THRAP3: variants seen among roughly 807,000 people sequenced by gnomAD.
The protein encoded by THRAP3 is thyroid hormone receptor associated protein 3.
A neutral mutation model predicts 101.0 loss-of-function variants in THRAP3; 16 were observed. The ratio of observed to expected loss-of-function variants is 0.16; its 90% confidence interval spans 0.11 to 0.24. The LOEUF is 0.24. Among genes scored for constraint, THRAP3 ranks in the 10% least tolerant of loss-of-function variants. The pLI is 1.00. For synonymous variants in THRAP3, 407 were observed against 422.6 expected (o/e 0.96, Z 0.45); for missense variants, 989 against 1,202.7 (o/e 0.82, Z 2.63).
intron 1 of THRAP3, among the ~76,000 whole-genome samples, chr1:36,236,169 G>A (rs1645085481): frequency 2.0e-5 from 3 of 150,652 alleles, no homozygotes; most frequent in African/African-American, 4.9e-5. Flanking sequence ...GCAGTGAGCC[G>A]AGATCGCGCC....
chr1:36,255,257 T>C (rs1351341881), intron 1 of THRAP3, among the ~76,000 whole-genome samples: 1 of 152,118 alleles, frequency 6.6e-6, no homozygotes, highest in Non-Finnish European at 1.5e-5. Flanking sequence ...TTACGCCTGG[T>C]GGTTTAAAGG....
intron 8 of THRAP3, among the ~76,000 whole-genome samples, chr1:36,295,921 C>T (rs1645943248): frequency 7.1e-6 from 1 of 141,472 alleles, no homozygotes; most frequent in Non-Finnish European, 1.5e-5. Flanking sequence ...GCCCAACCAC[C>T]TACTTTTCCA....
chr1:36,213,971 A>AAG, the THRAP3 span, among the ~76,000 whole-genome samples: 103 of 103,276 alleles, frequency 1.0e-3, 1 homozygote, highest in Non-Finnish European at 1.2e-3. Context: ...AGGAAAGAGA[A>AAG]AGAAAGAAAG....
chr1:36,238,008 T>C (rs780475580), intron 1 of THRAP3, among the ~76,000 whole-genome samples: 193 of 152,020 alleles, frequency 1.3e-3, no homozygotes, highest in Non-Finnish European at 2.3e-3. Context: ...TTTTTTTTTC[T>C]TTTTTTTAAT....
chr1:36,258,412 ATTG>A (rs955722120), intron 1 of THRAP3, among the ~76,000 whole-genome samples: 3 of 152,180 alleles, frequency 2.0e-5, no homozygotes, highest in African/African-American at 7.2e-5. Context: ...ACATACCGAC[ATTG>A]TTATTTGGTA....
In THRAP3 at chr1:36,304,317, G is replaced by A. The variant is rs889127934; in HGVS notation, c.*300G>A. The A allele has an allele frequency of 2.5e-5, 7 of 283,094 alleles. No homozygotes were observed. The highest frequency in any genetic ancestry group is 4.0e-5 in the Non-Finnish European group (6 of 151,336). The allele number at this position is 283,094 out of a possible 1,614,324, so 17.5% of individuals were successfully genotyped here. ...GGGGGCAGGGGTAGGGCGGGAGAGC[G>A]ATGCTTGGATTTTTGTTTCCTATTA... On this transcript the variant is annotated 3_prime_UTR_variant, in exon 12 of 12. Coordinates refer to ENST00000354618, the MANE Select transcript of THRAP3 (RefSeq NM_005119.4).
chr1:36,270,571 G>GGTTTTTTTTTTGTTTGTTTGTTTGT (rs1553121666), intron 2 of THRAP3, among the ~76,000 whole-genome samples: 10 of 31,896 alleles, frequency 3.1e-4, no homozygotes, highest in African/African-American at 7.0e-4. Flanking sequence ...ATTTGTTTAG[G>GGTTTTTTTTTTGTTTGTTTGTTTGT]TTTTTGTTTT....
chr1:36,232,609 G>T (rs1380846121), intron 1 of THRAP3, among the ~76,000 whole-genome samples: 2 of 152,264 alleles, frequency 1.3e-5, no homozygotes, highest in East Asian at 3.9e-4. Flanking sequence ...ATTGAGTTAC[G>T]TAGAAGAGGC....
chr1:36,240,998 AGATCGG>A (rs1645148139), intron 1 of THRAP3, among the ~76,000 whole-genome samples: 1 of 151,968 alleles, frequency 6.6e-6, no homozygotes, highest in Admixed American at 6.6e-5. Context: ...CGAGGTCAGG[AGATCGG>A]GACCATCCCG....
chr1:36,258,276 A>T (rs966861728), intron 1 of THRAP3, among the ~76,000 whole-genome samples: 1 of 152,252 alleles, frequency 6.6e-6, no homozygotes, highest in African/African-American at 2.4e-5. Context: ...GTGAGGAATC[A>T]GGGGAAGAAG....
At chr1:36,241,383 GTGTATATATATATATATATATATA>G (rs1490594473) in intron 1 of THRAP3, among the ~76,000 whole-genome samples, 1,557 of 132,082 alleles carry the variant, frequency 0.012, 29 homozygotes, top group Middle Eastern at 0.045. Context: ...ATGATAATGG[GTGTATATATATATATATATATATA>G]TATATATATA....
chr1:36,228,977 G>A (rs113772059), intron 1 of THRAP3, among the ~76,000 whole-genome samples: 2,141 of 152,214 alleles, frequency 0.014, 54 homozygotes, highest in African/African-American at 0.047. Context: ...TCCAGCCTGG[G>A]CGACAGAGCC....
chr1:36,221,912 C>T (rs1246306130), upstream of THRAP3, among the ~76,000 whole-genome samples: 1 of 151,564 alleles, frequency 6.6e-6, no homozygotes, highest in South Asian at 2.1e-4. Flanking sequence ...TGGGTTCAAG[C>T]GATTCTCCTG....
chr1:36,301,075 A>G lies in THRAP3; in HGVS notation c.2493A>G (p.Arg831=), dbSNP rs755552630. Reference sequence around the variant, plus strand: ...GTGAAAGAGGAGGTGGCAGAGCTCGAGGAACCTTTGTAAGACCTTCCCCTC... The same window carrying G: ...GTGAAAGAGGAGGTGGCAGAGCTCGGGGAACCTTTGTAAGACCTTCCCCTC... ...GPSERGGGRA[R]GTFQFRARGR... Residue 831 remains arginine, a synonymous_variant, in exon 10 of 12, where the codon CGA becomes CGG. Coordinates refer to ENST00000354618, the MANE Select transcript of THRAP3 (RefSeq NM_005119.4). 1 of 1,614,106 alleles carries G rather than the reference A, an allele frequency of 6.2e-7. No individual in the cohort carries two copies. The highest frequency in any genetic ancestry group is 2.2e-5 in the East Asian group (1 of 44,888).
intron 2 of THRAP3, among the ~76,000 whole-genome samples, chr1:36,274,902 A>T (rs1645636939): frequency 6.8e-6 from 1 of 146,804 alleles, no homozygotes. Context: ...AAGTGCTGGG[A>T]TTACAGGCGT....
intron 2 of THRAP3, among the ~76,000 whole-genome samples, chr1:36,278,860 T>G (rs946384725): frequency 2.6e-5 from 4 of 151,938 alleles, no homozygotes; most frequent in Non-Finnish European, 5.9e-5. Context: ...GTGGCAGAGG[T>G]TGCAGTGAGC....
intron 11 of THRAP3, among the ~76,000 whole-genome samples, chr1:36,302,412 C>G (rs2124651617): frequency 6.6e-6 from 1 of 152,322 alleles, no homozygotes; most frequent in East Asian, 1.9e-4. Context: ...GCCACCATCC[C>G]TTTTCTAGGG....
chr1:36,290,502 G>A (rs58598289), intron 5 of THRAP3, among the ~76,000 whole-genome samples: 3 of 151,862 alleles, frequency 2.0e-5, no homozygotes, highest in Non-Finnish European at 2.9e-5. Context: ...ATCTCTCTCT[G>A]TCACCCAGGC....
intron 1 of THRAP3, among the ~76,000 whole-genome samples, chr1:36,251,174 A>G (rs376118809): frequency 6.6e-6 from 1 of 152,206 alleles, no homozygotes; most frequent in East Asian, 1.9e-4. Context: ...TTACTTTAGT[A>G]GTAGTGCATG....
Sources: allele counts gnomAD v4.1 joint callset (sites outside exome capture counted in the v4.1 genomes callset), GRCh38; gene constraint gnomAD v4.1.1; transcripts MANE v1.5; gene names NCBI Gene and HGNC (gene_info 2026-07-23, HGNC 2026-07-21).